ZNF808: variants seen among roughly 807,000 people sequenced by gnomAD.
ZNF808 encodes zinc finger protein 808.
Under a neutral mutation model 8.7 loss-of-function variants are expected in ZNF808, and 5 were observed. The observed-to-expected ratio is 0.58, with a 90% confidence interval of 0.30 to 1.21. The LOEUF (loss-of-function observed/expected upper bound fraction) is 1.21, where lower values mean the gene tolerates loss of function less well. ZNF808 is among the 50% of genes most tolerant of loss of function. ZNF808 has a pLI of 0.07. For synonymous variants in ZNF808, 380 were observed against 366.0 expected, an observed-to-expected ratio of 1.04 and a Z score of -0.44; for missense variants, 1,103 against 1,098.4, an observed-to-expected ratio of 1.00 and a Z score of -0.06.
chr19:52,554,076 C>G lies in ZNF808; in HGVS notation c.1160C>G (p.Ala387Gly). Residue 387 changes from alanine to glycine, a missense_variant, in exon 5 of 5, where the codon GCA becomes GGA. Transcript: ENST00000359798. ...EKAFACHSYLANHTRIHSGEK... is the reference protein window; with the variant it reads ...EKAFACHSYLGNHTRIHSGEK... Reference sequence around the variant, plus strand: ...GCTTTTGCGTGTCATTCCTATCTGGCAAACCATACTAGAATTCATAGTGGA... The same window carrying G: ...GCTTTTGCGTGTCATTCCTATCTGGGAAACCATACTAGAATTCATAGTGGA... 3 of 1,614,072 alleles carry G rather than the reference C, an allele frequency of 1.9e-6. No individual in the cohort carries two copies. Among genetic ancestry groups the G allele is most frequent in the South Asian group, 1.1e-5 (1 of 91,066 alleles).
intron 3 of ZNF808, among the ~76,000 whole-genome samples, chr19:52,546,970 T>C (rs1396707866): frequency 7.1e-6 from 1 of 140,804 alleles, no homozygotes. Flanking sequence ...TTTTTTTAGA[T>C]GGAGTGTCAG....
Position 52,555,513 on chromosome 19 carries a change from G to C in ZNF808, c.2597G>C (p.Arg866Thr), listed in dbSNP as rs2059827714. The part of the protein sequence containing the change: ...FSRKSHLKRH[R>T]IIHTGEKPYK... Reference sequence around the variant, plus strand: ...CGCAAATCACACCTTAAAAGACATAGGATAATTCATACTGGAGAGAAACCT... The same window carrying C: ...CGCAAATCACACCTTAAAAGACATACGATAATTCATACTGGAGAGAAACCT... Residue 866 changes from arginine (R) to threonine (T), a missense_variant, in exon 5 of 5, where the codon AGG becomes ACG. Coordinates refer to ENST00000359798, the MANE Select transcript of ZNF808 (RefSeq NM_001039886.4). 1 of 1,613,758 alleles carries C rather than the reference G, an allele frequency of 6.2e-7. No homozygotes were observed. Among genetic ancestry groups the C allele is most frequent in the South Asian group, 1.1e-5 (1 of 91,080 alleles).
rs754010697 is a variant in ZNF808, at chr19:52,554,369, T to G, written c.1453T>G (p.Cys485Gly). The G allele has an allele frequency of 3.1e-6, 5 of 1,613,766 alleles. No individual in the cohort carries two copies. Among genetic ancestry groups the G allele is most frequent in the Non-Finnish European group, 4.2e-6 (5 of 1,179,944 alleles). Residue 485 changes from cysteine (C) to glycine (G), a missense_variant, in exon 5 of 5, where the codon TGT becomes GGT. Transcript: ENST00000359798. ...RIHTGEKTYK[C>G]NECRKTFSRR... is the part of the protein sequence containing the mutation. Reference sequence around the variant, plus strand: ...TCACACTGGAGAGAAAACTTACAAGTGTAATGAGTGTCGCAAGACCTTCAG... The same window carrying G: ...TCACACTGGAGAGAAAACTTACAAGGGTAATGAGTGTCGCAAGACCTTCAG...
At chr19:52,546,328 C>T (rs2059719886) in intron 3 of ZNF808, among the ~76,000 whole-genome samples, 2 of 151,940 alleles carry the variant, frequency 1.3e-5, no homozygotes, top group South Asian at 2.1e-4. Context: ...TCAGGGATTA[C>T]AGGCACCCAC....
At position 52,553,352 on chromosome 19, in the gene ZNF808, C is replaced by T; in HGVS notation, c.436C>T (p.His146Tyr). 1 of 1,614,136 alleles carries T rather than the reference C, an allele frequency of 6.2e-7. No homozygotes were observed. The highest frequency in any genetic ancestry group is 8.5e-7 in the Non-Finnish European group (1 of 1,179,976). The change falls in exon 5 of 5, where the codon CAT becomes TAT. Residue 146 changes from histidine to tyrosine, a missense_variant. Transcript: ENST00000359798. ...TGSTDQHDHRHAGNKPIKDQL... is the reference protein window; with the variant it reads ...TGSTDQHDHRYAGNKPIKDQL... The stretch of plus-strand genomic sequence containing the variant: ...TAGCACAGACCAACATGATCACAGG[C>T]ATGCTGGAAACAAGCCTATTAAAGA...
intron 4 of ZNF808, among the ~76,000 whole-genome samples, chr19:52,550,067 C>G (rs1421317429): frequency 6.6e-6 from 1 of 152,166 alleles, no homozygotes; most frequent in African/African-American, 2.4e-5. Flanking sequence ...TCTGTACTGC[C>G]TGTGCTGACT....
At chr19:52,566,594 A>G (rs575133804), downstream of ZNF808, among the ~76,000 whole-genome samples, 2 of 152,316 alleles carry the variant, frequency 1.3e-5, no homozygotes, top group African/African-American at 4.8e-5. Flanking sequence ...TAGTATTGCT[A>G]TTACTATGTT....
At chr19:52,533,843 C>CAAAAAAAA (rs919374020) in intron 2 of ZNF808, among the ~76,000 whole-genome samples, 2 of 30,776 alleles carry the variant, frequency 6.5e-5, no homozygotes, top group Non-Finnish European at 1.1e-4. Flanking sequence ...ACTCCGTCTC[C>CAAAAAAAA]AAAAAAAAAA....
intron 2 of ZNF808, among the ~76,000 whole-genome samples, chr19:52,539,437 C>T (rs1200345971): frequency 6.6e-6 from 1 of 151,774 alleles, no homozygotes; most frequent in Non-Finnish European, 1.5e-5. Flanking sequence ...TGATCCACCG[C>T]CTTGGCCTCC....
At chr19:52,529,848 G>T (rs942895286) in intron 1 of ZNF808, among the ~76,000 whole-genome samples, 1 of 151,492 alleles carries the variant, frequency 6.6e-6, no homozygotes, top group African/African-American at 2.4e-5. Context: ...AGCCTTCTGA[G>T]TAGCTGGGAC....
At chr19:52,559,679 G>A (rs1419962673), downstream of ZNF808, among the ~76,000 whole-genome samples, 1 of 152,190 alleles carries the variant, frequency 6.6e-6, no homozygotes, top group African/African-American at 2.4e-5. Flanking sequence ...AATGGAAAGT[G>A]AAGATACACG....
chr19:52,529,849 T>C (rs1038511033), intron 1 of ZNF808, among the ~76,000 whole-genome samples: 1 of 151,528 alleles, frequency 6.6e-6, no homozygotes, highest in African/African-American at 2.4e-5. Context: ...GCCTTCTGAG[T>C]AGCTGGGACC....
chr19:52,543,219 G>T, intron 2 of ZNF808, 47 bp from the exon 3 acceptor site: 2 of 1,593,388 alleles, frequency 1.3e-6, no homozygotes, highest in Non-Finnish European at 1.7e-6. Flanking sequence ...TCACAGGAAG[G>T]GAGTGAGTCA....
At chr19:52,534,194 A>G (rs1327005238) in intron 2 of ZNF808, among the ~76,000 whole-genome samples, 1 of 152,128 alleles carries the variant, frequency 6.6e-6, no homozygotes, top group Non-Finnish European at 1.5e-5. Flanking sequence ...GCCTGCCACC[A>G]TGCCCAGCTA....
intron 2 of ZNF808, among the ~76,000 whole-genome samples, chr19:52,542,447 T>C (rs929083008): frequency 2.0e-5 from 3 of 149,090 alleles, no homozygotes; most frequent in Non-Finnish European, 4.4e-5. Context: ...CTCTCTAGGA[T>C]GCTCTTCCCC....
At chr19:52,564,136 C>T (rs2059866670) in exon 4 of ZNF808, 6 of 695,148 alleles carry the variant, frequency 8.6e-6, no homozygotes, top group African/African-American at 1.8e-5. Context: ...AAAGTAAAAT[C>T]GTCCGATTTC....
chr19:52,548,582 C>G (rs1395719506), intron 4 of ZNF808, among the ~76,000 whole-genome samples: 3 of 152,106 alleles, frequency 2.0e-5, no homozygotes, highest in African/African-American at 7.2e-5. Context: ...GTCACCACAC[C>G]CGGGTAATTT....
intron 4 of ZNF808, among the ~76,000 whole-genome samples, chr19:52,551,356 C>CAAA (rs58565837): frequency 1.7e-4 from 21 of 125,236 alleles, no homozygotes; most frequent in African/African-American, 6.2e-4. Context: ...CATTTGCCAC[C>CAAA]AAAAAAAAAA....
chr19:52,564,266 T>A (rs1001643869), exon 4 of ZNF808: 1 of 797,518 alleles, frequency 1.3e-6, no homozygotes, highest in Non-Finnish European at 2.1e-6. Flanking sequence ...ATATTTATGC[T>A]GTGTGAGCAT....
Sources: allele counts gnomAD v4.1 joint callset (sites outside exome capture counted in the v4.1 genomes callset), GRCh38; gene constraint gnomAD v4.1.1; transcripts MANE v1.5; gene names NCBI Gene and HGNC (gene_info 2026-07-23, HGNC 2026-07-21).